Variants in ZNF770 observed in about 807,000 individuals in gnomAD.
ZNF770 encodes the protein zinc finger protein 770.
A neutral mutation model predicts 44.8 loss-of-function variants in ZNF770; 13 were observed. The observed-to-expected ratio is 0.29, with a 90% CI of 0.19 to 0.46. The LOEUF (loss-of-function observed/expected upper bound fraction) is 0.46, where lower values mean the gene tolerates loss of function less well. Ranked by LOEUF, ZNF770 falls within the 20% of genes least tolerant of loss-of-function variation. The probability of loss-of-function intolerance (pLI) is 1.00; values close to 1 mark genes in which losing one functional copy is unlikely to be tolerated. For missense variants in ZNF770, 681 were observed against 797.9 expected (o/e 0.85, Z 1.77); for synonymous variants, 304 against 271.8 (o/e 1.12, Z -1.17).
rs775460588 is a variant in ZNF770 at position 34,982,904 on chromosome 15, C to G, written c.531G>C (p.Arg177Ser). 2 of 1,613,956 alleles carry G rather than the reference C, an allele frequency of 1.2e-6. No individual in the cohort carries two copies. The highest frequency in any genetic ancestry group is 2.2e-5 in the South Asian group (2 of 91,070). Residue 177 changes from arginine (R) to serine (S), a missense_variant, in exon 3 of 3, where the codon AGG (arginine) becomes AGC (serine). By Grantham distance (110) the Arg-to-Ser change is moderately radical. This residue lies in a region of ZNF770 where 432 missense variants were observed against 434.1 expected (regional missense o/e 1.00). Coordinates refer to ENST00000356321, the MANE Select transcript of ZNF770 (RefSeq NM_014106.4). ...TCTGACCAGTATGAATAAGTACATG[C>G]CTATCAAGTTTTGACTGTGATGGAA... Reference protein sequence around the residue: ...KMFPSQSKLDRHVLIHTGQRP... With the variant: ...KMFPSQSKLDSHVLIHTGQRP...
Position 34,982,639 on chromosome 15 carries a change from T to C in ZNF770, c.796A>G (p.Asn266Asp), listed in dbSNP as rs2050410045. ...TCACCATTTTCAAAACCACCCTGATTTGCATTTAACTTATTAGGCAGGGGG... is the reference window on the plus strand; with the variant it reads ...TCACCATTTTCAAAACCACCCTGATCTGCATTTAACTTATTAGGCAGGGGG... The part of the protein sequence containing the change: ...SRPLPNKLNA[N>D]QGGFENGEIG... The change falls in exon 3 of 3, where the codon AAT becomes GAT. Residue 266 changes from asparagine (N) to aspartate (D), a missense_variant. Asn to Asp is a conservative substitution (Grantham distance 23). Coordinates refer to ENST00000356321, the MANE Select transcript of ZNF770 (RefSeq NM_014106.4). 2.5e-6 allele frequency: 4 copies of C among 1,612,990 alleles called. No individual in the cohort carries two copies. The highest frequency in any genetic ancestry group is 3.4e-6 in the Non-Finnish European group (4 of 1,179,974).
chr15:34,987,531 A>G (rs1031383973), intron 2 of ZNF770, 26 bp downstream of exon 2: 1 of 152,262 alleles, frequency 6.6e-6, no homozygotes, highest in African/African-American at 2.4e-5. Flanking sequence ...CTCTACGTGA[A>G]GACTGTAAAA....
rs1250323091 is a variant in ZNF770 at position 34,988,240 on chromosome 15, G to A, written c.-298C>T. On this transcript the variant is annotated 5_prime_UTR_variant, in exon 1 of 3. Transcript: ENST00000356321. ...CCGGGAGGCACGCACCTCAGGCCCA[G>A]GTGCCGCGAAGGCAGCGCGCGCACG... The A allele has an allele frequency of 6.6e-6, 1 of 152,218 alleles. No individual in the cohort carries two copies. The highest frequency in any genetic ancestry group is 1.5e-5 in the Non-Finnish European group (1 of 68,056). 9.4% of individuals were successfully genotyped at this position (152,218 alleles called of 1,614,324 possible).
chr15:34,982,059 C>T lies in ZNF770; in HGVS notation c.1376G>A (p.Cys459Tyr), dbSNP rs2050405414. 1 of 1,613,580 alleles carries T rather than the reference C, an allele frequency of 6.2e-7. No homozygotes were observed. Among genetic ancestry groups the T allele is most frequent in the Non-Finnish European group, 8.5e-7 (1 of 1,180,004 alleles). The change falls in exon 3 of 3, where the codon TGT becomes TAT. Residue 459 changes from cysteine (C) to tyrosine (Y), a missense_variant. Around this residue, in one of 5 missense-constraint regions of ZNF770, gnomAD observed 432 missense variants for 434.1 expected, o/e 1.00. Transcript: ENST00000356321. Reference sequence around the variant, plus strand: ...GTTTTCCCTTGGAACTGAAAAACCACACTGAAGTACCTCACAGTTATTAAA... The same window carrying T: ...GTTTTCCCTTGGAACTGAAAAACCATACTGAAGTACCTCACAGTTATTAAA... ...EFFNNCEVLQCGFSVPRENIR... is the reference protein window; with the variant it reads ...EFFNNCEVLQYGFSVPRENIR...
Position 34,982,779 on chromosome 15 carries a change from C to G in ZNF770, c.656G>C (p.Cys219Ser), listed in dbSNP as rs754811243. ...THSEERPFQC[C>S]FCQKGFKIQS... ...AATCTTAAATCCTTTTTGACAAAAA[C>G]AACATTGAAAAGGTCTTTCTTCTGA... The change falls in exon 3 of 3, where the codon TGT (cysteine) becomes TCT (serine). Residue 219 changes from cysteine (C) to serine (S), a missense_variant. By Grantham distance (112) the Cys-to-Ser change is moderately radical. Around this residue, in one of 5 missense-constraint regions of ZNF770, gnomAD observed 432 missense variants for 434.1 expected, o/e 1.00. Coordinates refer to ENST00000356321, the MANE Select transcript of ZNF770 (RefSeq NM_014106.4). 1.2e-6 allele frequency: 2 copies of G among 1,613,824 alleles called. No individual in the cohort carries two copies. Among genetic ancestry groups the G allele is most frequent in the Non-Finnish European group, 1.7e-6 (2 of 1,179,934 alleles).
In ZNF770 at chr15:34,982,455, T is replaced by C. The variant is rs2050408974; in HGVS notation, c.980A>G (p.Lys327Arg). Residue 327 changes from lysine to arginine, a missense_variant, in exon 3 of 3, where the codon AAA becomes AGA. Transcript: ENST00000356321. ...AATGGTTTTATAGTTGTAGCTTCTT[T>C]TGAACCTGCTTGGAATTTTGCCACT... ...ARSGKIPSRF[K>R]RSYNYKTIVK... The C allele has an allele frequency of 1.2e-6, 2 of 1,613,920 alleles. No homozygotes were observed. Among genetic ancestry groups the C allele is most frequent in the Non-Finnish European group, 8.5e-7 (1 of 1,179,982 alleles).
At chr15:34,987,030 GATC>G (rs2050439308) in intron 2 of ZNF770, among the ~76,000 whole-genome samples, 1 of 152,260 alleles carries the variant, frequency 6.6e-6, no homozygotes, top group Non-Finnish European at 1.5e-5. Context: ...AGGACTGAAT[GATC>G]ACACAGGATT....
chr15:34,981,331 G>T lies in ZNF770; in HGVS notation c.*28C>A, dbSNP rs776684323. On this transcript the variant is annotated 3_prime_UTR_variant, in exon 3 of 3. Coordinates refer to ENST00000356321, the MANE Select transcript of ZNF770 (RefSeq NM_014106.4). ...AGGCTTTAAAAATAAGATCACCAGAGACCACAATTGTTAGTGGTTGCGACA... is the reference window on the plus strand; with the variant it reads ...AGGCTTTAAAAATAAGATCACCAGATACCACAATTGTTAGTGGTTGCGACA... 3.8e-6 allele frequency: 6 copies of T among 1,573,304 alleles called. 1 individual carries two copies. The South Asian group carries it at 7.0e-5, about 18-fold the overall frequency.
chr15:34,986,104 A>G (rs2050432785), intron 2 of ZNF770, among the ~76,000 whole-genome samples: 1 of 152,150 alleles, frequency 6.6e-6, no homozygotes, highest in South Asian at 2.1e-4. Context: ...CAAAGTGGCC[A>G]AGTGATCTAT....
In ZNF770 at chr15:34,979,446, A is replaced by G. The variant is rs2050386585; in HGVS notation, c.*1913T>C. ...ATTATCTTGCTTGCACTGGAGGAAC[A>G]TATCTCAAGGAAACCTAAGAGAAAG... On this transcript the variant is annotated 3_prime_UTR_variant, in exon 3 of 3. Transcript: ENST00000356321. 1 of 258,458 alleles carries G rather than the reference A, an allele frequency of 3.9e-6. No individual in the cohort carries two copies. Among genetic ancestry groups the G allele is most frequent in the African/African-American group, 2.3e-5 (1 of 42,886 alleles). The allele number at this position is 258,458 out of a possible 1,614,324, so 16.0% of individuals were successfully genotyped here. A position where few individuals can be genotyped will look rare whatever the true frequency, so the allele number is the denominator to read the frequency against.
rs1344214567 is a variant in ZNF770, at chr15:34,988,109, C to A, written c.-174+7G>T. 1 of 152,292 alleles carries A rather than the reference C, an allele frequency of 6.6e-6. No individual in the cohort carries two copies. 9.4% of individuals were successfully genotyped at this position (152,292 alleles called of 1,614,324 possible). On this transcript the variant is annotated splice_region_variant and intron_variant, in intron 1 of 2. Transcript: ENST00000356321. Reference sequence around the variant, plus strand: ...TGTGGAGCCCCCGTTCTTGGGTCCCCAGGCACCTTGGCGGTATTGAGGCAG... The same window carrying A: ...TGTGGAGCCCCCGTTCTTGGGTCCCAAGGCACCTTGGCGGTATTGAGGCAG...
chr15:34,986,224 A>C (rs1395747811), intron 2 of ZNF770, among the ~76,000 whole-genome samples: 2 of 152,214 alleles, frequency 1.3e-5, no homozygotes, highest in African/African-American at 4.8e-5. Context: ...ATTTTAAATA[A>C]AAATCATCTA....
At chr15:34,986,729 T>C (rs997314581) in intron 2 of ZNF770, among the ~76,000 whole-genome samples, 1 of 152,182 alleles carries the variant, frequency 6.6e-6, no homozygotes, top group African/African-American at 2.4e-5. Context: ...CTGCCTCTTA[T>C]GGAACTTCAG....
rs1051113871 is a variant in ZNF770 at position 34,981,328 on chromosome 15, A to G, written c.*31T>C. Reference sequence around the variant, plus strand: ...TACAGGCTTTAAAAATAAGATCACCAGAGACCACAATTGTTAGTGGTTGCG... The same window carrying G: ...TACAGGCTTTAAAAATAAGATCACCGGAGACCACAATTGTTAGTGGTTGCG... On this transcript the variant is annotated 3_prime_UTR_variant, in exon 3 of 3. Coordinates refer to ENST00000356321, the MANE Select transcript of ZNF770 (RefSeq NM_014106.4). The G allele has an allele frequency of 1.9e-6, 3 of 1,569,370 alleles. No individual in the cohort carries two copies. Among genetic ancestry groups the G allele is most frequent in the African/African-American group, 2.7e-5 (2 of 73,478 alleles).
Position 34,984,486 on chromosome 15 carries a change from C to T in ZNF770, c.-56-996G>A, listed in dbSNP as rs372585736. ...CAGCCTGGCCAACATGGTGAAACCCCGCCTCTAGTAATAATACAAAAATTA... is the reference window on the plus strand; with the variant it reads ...CAGCCTGGCCAACATGGTGAAACCCTGCCTCTAGTAATAATACAAAAATTA... On this transcript the variant is annotated intron_variant, in intron 2 of 2. Coordinates refer to ENST00000356321, the MANE Select transcript of ZNF770 (RefSeq NM_014106.4). 5.9e-5 allele frequency among the ~76,000 whole-genome samples: 9 copies of T among 151,414 alleles called. No individual in the cohort carries two copies. The South Asian group carries it at 1.9e-3, about 32-fold the overall frequency.
chr15:34,986,054 T>C (rs1595374971), intron 2 of ZNF770, among the ~76,000 whole-genome samples: 1 of 152,078 alleles, frequency 6.6e-6, no homozygotes, highest in South Asian at 2.1e-4. Context: ...TGCCTCTTCA[T>C]ACTAGACAAA....
chr15:34,987,656 G>A lies in ZNF770; in HGVS notation c.-156C>T, dbSNP rs1243506878. Reference sequence around the variant, plus strand: ...ATGTGAGGATTTCACGAAAGTAAGCGAACAAGAAATGAAAGACCTAAGAGA... The same window carrying A: ...ATGTGAGGATTTCACGAAAGTAAGCAAACAAGAAATGAAAGACCTAAGAGA... On this transcript the variant is annotated 5_prime_UTR_variant, in exon 2 of 3. Coordinates refer to ENST00000356321, the MANE Select transcript of ZNF770 (RefSeq NM_014106.4). 1.3e-5 allele frequency: 2 copies of A among 152,208 alleles called. No homozygotes were observed. Among genetic ancestry groups the A allele is most frequent in the East Asian group, 1.9e-4 (1 of 5,190 alleles). The allele number at this position is 152,208 out of a possible 1,614,324, so 9.4% of individuals were successfully genotyped here.
At position 34,980,410 on chromosome 15, in the gene ZNF770, T is replaced by A. The variant is rs557734774; in HGVS notation, c.*949A>T. The A allele has an allele frequency of 6.6e-6, 1 of 152,040 alleles. No individual in the cohort carries two copies. The highest frequency in any genetic ancestry group is 1.5e-5 in the Non-Finnish European group (1 of 68,014). The allele number at this position is 152,040 out of a possible 1,614,324, so 9.4% of individuals were successfully genotyped here. Reference sequence around the variant, plus strand: ...TACTTTTAAATTATTTTGAGAAAGATAGCACTAGCTGGGAGAAAAAAAAAA... The same window carrying A: ...TACTTTTAAATTATTTTGAGAAAGAAAGCACTAGCTGGGAGAAAAAAAAAA... On this transcript the variant is annotated 3_prime_UTR_variant, in exon 3 of 3. Transcript: ENST00000356321.
rs1287051819 is a variant in ZNF770 at position 34,981,006 on chromosome 15, A to C, written c.*353T>G. ...GCCTCTCAGTCTTTTGAGTATATCT[A>C]AAAAGAGATGGCATGTCTTAAGGAA... On this transcript the variant is annotated 3_prime_UTR_variant, in exon 3 of 3. Transcript: ENST00000356321. 5.2e-6 allele frequency: 1 copy of C among 194,006 alleles called. No individual in the cohort carries two copies. The highest frequency in any genetic ancestry group is 2.4e-5 in the African/African-American group (1 of 42,368). 12.0% of individuals were successfully genotyped at this position (194,006 alleles called of 1,614,324 possible).
Sources: gnomAD v4.1 joint callset for allele counts (sites outside exome capture counted in the v4.1 genomes callset) on GRCh38, gnomAD v4.1.1 for gene constraint, gnomAD v4.1.1 regional missense constraint, MANE v1.5 for transcripts, NCBI Gene and HGNC (gene_info 2026-07-23, HGNC 2026-07-21) for gene names.